Variants in STAC observed in about 807,000 individuals in gnomAD.
The protein encoded by STAC is SH3 and cysteine rich domain.
Under a neutral mutation model 48.8 loss-of-function variants are expected in STAC, and 43 were observed. That is an observed-to-expected ratio of 0.88 (90% CI 0.69 to 1.14). The LOEUF is 1.14. STAC is among the 50% of genes most tolerant of loss of function. The pLI, the probability that STAC is intolerant of heterozygous loss-of-function variation, is 0.00. For missense variants in STAC, 497 were observed against 504.0 expected, an observed-to-expected ratio of 0.99 and a Z score of 0.13; for synonymous variants, 193 against 179.5, an observed-to-expected ratio of 1.07 and a Z score of -0.60.
chr3:36,452,237 T>G (rs978654137), intron 2 of STAC, among the ~76,000 whole-genome samples: 4 of 152,244 alleles, frequency 2.6e-5, no homozygotes, highest in South Asian at 4.1e-4. Flanking sequence ...TTTTTAAAAT[T>G]TCTTCTTTTG....
At chr3:36,390,837 A>G (rs975370725) in intron 1 of STAC, among the ~76,000 whole-genome samples, 4 of 152,018 alleles carry the variant, frequency 2.6e-5, no homozygotes, top group African/African-American at 9.7e-5. Flanking sequence ...TAATATCTAA[A>G]CCTGTCACCT....
chr3:36,470,543 C>T (rs1697302045), intron 2 of STAC, among the ~76,000 whole-genome samples: 1 of 152,218 alleles, frequency 6.6e-6, no homozygotes, highest in Non-Finnish European at 1.5e-5. Context: ...TGGTTGGCCT[C>T]CAGCCAGGAG....
At chr3:36,401,524 T>G (rs1699998752) in intron 1 of STAC, among the ~76,000 whole-genome samples, 1 of 152,152 alleles carries the variant, frequency 6.6e-6, no homozygotes, top group South Asian at 2.1e-4. Flanking sequence ...CTGGCTGCTT[T>G]AGGAACTTGG....
At chr3:36,468,528 C>T (rs1209699474) in intron 2 of STAC, among the ~76,000 whole-genome samples, 1 of 151,108 alleles carries the variant, frequency 6.6e-6, no homozygotes, top group Non-Finnish European at 1.5e-5. Context: ...GTGTTGCTGT[C>T]TATCTCATTT....
intron 8 of STAC, among the ~76,000 whole-genome samples, chr3:36,513,365 A>G (rs1250268591): frequency 6.6e-6 from 1 of 152,054 alleles, no homozygotes; most frequent in Admixed American, 6.6e-5. Context: ...GAGAGGACTC[A>G]CTCTACTTTT....
Position 36,528,881 on chromosome 3 carries a change from G to A in STAC, c.1006G>A (p.Ala336Thr). ...KIQDRIGFFP[A>T]NFVQRLQQNE... ...TCAAGACAGAATTGGCTTCTTTCCA[G>A]CCAACTTTGTTCAGAGACTACAACA... Residue 336 changes from alanine (A) to threonine (T), a missense_variant, in exon 10 of 11, where the codon GCC (alanine) becomes ACC (threonine). By Grantham distance (58) the Ala-to-Thr change is moderately conservative. Transcript: ENST00000273183. 6.2e-7 allele frequency: 1 copy of A among 1,613,500 alleles called. No individual in the cohort carries two copies. The highest frequency in any genetic ancestry group is 1.1e-5 in the South Asian group (1 of 91,018).
intron 2 of STAC, among the ~76,000 whole-genome samples, chr3:36,465,763 T>A (rs1187288702): frequency 6.6e-6 from 1 of 152,152 alleles, no homozygotes; most frequent in East Asian, 1.9e-4. Flanking sequence ...GCAGGAAGCA[T>A]CCAGCATGGG....
chr3:36,418,855 C>G (rs1183211169), intron 1 of STAC, among the ~76,000 whole-genome samples: 1 of 151,970 alleles, frequency 6.6e-6, no homozygotes, highest in African/African-American at 2.4e-5. Context: ...GGAGGCCACC[C>G]TGACCAACAT....
At chr3:36,516,948 T>C (rs954324578) in intron 8 of STAC, among the ~76,000 whole-genome samples, 2 of 152,006 alleles carry the variant, frequency 1.3e-5, no homozygotes, top group African/African-American at 2.4e-5. Context: ...GGATATAGAG[T>C]AGAGAAAACA....
intron 1 of STAC, among the ~76,000 whole-genome samples, chr3:36,418,823 A>G (rs150476085): frequency 0.023 from 3,526 of 152,054 alleles, 61 homozygotes; most frequent in Non-Finnish European, 0.026. Context: ...CGAGGCGGGC[A>G]GATCACCTGA....
At chr3:36,543,206 G>T (rs1461663465) in intron 10 of STAC, among the ~76,000 whole-genome samples, 1 of 152,054 alleles carries the variant, frequency 6.6e-6, no homozygotes, top group Non-Finnish European at 1.5e-5. Flanking sequence ...CTAATCTTCT[G>T]GGAAGATATT....
Position 36,443,507 on chromosome 3 carries a change from A to G in STAC, c.255A>G (p.Pro85=). 10 of 1,613,884 alleles carry G rather than the reference A, an allele frequency of 6.2e-6. No homozygotes were observed. The highest frequency in any genetic ancestry group is 2.2e-5 in the East Asian group (1 of 44,856). The change falls in exon 2 of 11, where the codon CCA becomes CCG. Residue 85 remains proline (P), a synonymous_variant. Transcript: ENST00000273183. The surrounding 1 kb of genome is among the most constrained non-coding windows in gnomAD (Gnocchi z 4.2). ...CTGAGATCAGCCCCAGCTCCAGCCC[A>G]CTCCCTGCTCCAGGAAGCCTGACGT... ...MVAEISPSSS[P]LPAPGSLTST... is the part of the protein sequence containing the mutation.
intron 1 of STAC, among the ~76,000 whole-genome samples, chr3:36,418,813 C>T (rs906776475): frequency 2.6e-5 from 4 of 151,854 alleles, no homozygotes; most frequent in Admixed American, 1.3e-4. Context: ...TTTGGGAGGC[C>T]GAGGCGGGCA....
chr3:36,467,930 G>A (rs948560143), intron 2 of STAC, among the ~76,000 whole-genome samples: 7 of 151,910 alleles, frequency 4.6e-5, no homozygotes, highest in African/African-American at 1.7e-4. Context: ...CTTGAGTTGT[G>A]ACCTCAGATT....
chr3:36,479,718 C>A (rs960011820), intron 2 of STAC, among the ~76,000 whole-genome samples: 25 of 152,160 alleles, frequency 1.6e-4, no homozygotes. Flanking sequence ...ATTTAAAGAG[C>A]CAGACTGAGA....
chr3:36,483,289 AC>A (rs1297607171), intron 3 of STAC, among the ~76,000 whole-genome samples, 197 bp downstream of exon 3: 1 of 152,254 alleles, frequency 6.6e-6, no homozygotes, highest in African/African-American at 2.4e-5. Context: ...ACAATGCCCC[AC>A]CTTGAAAGGG....
intron 8 of STAC, among the ~76,000 whole-genome samples, 161 bp from the exon 9 acceptor site, chr3:36,528,535 C>T (rs887051901): frequency 1.3e-5 from 2 of 150,810 alleles, no homozygotes; most frequent in African/African-American, 4.9e-5. Context: ...ATGTGTAATA[C>T]AGCTATTTTC....
At chr3:36,472,962 G>A (rs944025004) in intron 2 of STAC, among the ~76,000 whole-genome samples, 5 of 152,132 alleles carry the variant, frequency 3.3e-5, no homozygotes, top group Non-Finnish European at 7.3e-5. Flanking sequence ...CCAATTTACT[G>A]TATTAGTCTG....
intron 5 of STAC, among the ~76,000 whole-genome samples, chr3:36,487,162 C>T (rs2125702545): frequency 6.6e-6 from 1 of 152,340 alleles, no homozygotes; most frequent in East Asian, 1.9e-4. Context: ...GTTGAAGCAG[C>T]TTCCTCATTG....
Sources: allele counts gnomAD v4.1 joint callset (sites outside exome capture counted in the v4.1 genomes callset), GRCh38; gene constraint gnomAD v4.1.1; non-coding constraint Gnocchi (gnomAD v3.1); transcripts MANE v1.5; gene names NCBI Gene and HGNC (gene_info 2026-07-23, HGNC 2026-07-21).